ARHGEF18: variants seen among roughly 807,000 people sequenced by gnomAD.
ARHGEF18 encodes the protein Rho/Rac guanine nucleotide exchange factor 18, also known as rho guanine nucleotide exchange factor 18.
In ARHGEF18, 93 loss-of-function variants were observed where a neutral mutation model predicts 155.7. The ratio of observed to expected loss-of-function variants is 0.60; its 90% confidence interval spans 0.50 to 0.71. The LOEUF is 0.71. ARHGEF18 is among the 30% of genes least tolerant of loss of function. ARHGEF18 has a pLI of 0.00. For synonymous variants in ARHGEF18, 742 were observed against 753.1 expected, an observed-to-expected ratio of 0.99 and a Z score of 0.24; for missense variants, 1,593 against 1,816.1, an observed-to-expected ratio of 0.88 and a Z score of 2.23.
chr19:7,361,212 G>A (rs1308045235), intron 1 of ARHGEF18, among the ~76,000 whole-genome samples: 2 of 152,196 alleles, frequency 1.3e-5, no homozygotes, highest in Non-Finnish European at 2.9e-5. Context: ...AAGGCGGGGG[G>A]ATTGCCTGAG....
chr19:7,452,451 C>CT lies in ARHGEF18; in HGVS notation c.1856-1015dup, dbSNP rs1975544182. Among the ~76,000 whole-genome samples, 11 of 151,140 alleles carry CT rather than the reference C, an allele frequency of 7.3e-5. No homozygotes were observed. The South Asian group carries it at 2.3e-3, about 32-fold the overall frequency. On this transcript the variant is annotated intron_variant, in intron 16 of 28. Transcript: ENST00000668164. ...AGTCACAACAGGAGGTGGAGGGAAT[C>CT]TAATTTATTTATTTATTTATTTATT...
intron 10 of ARHGEF18, among the ~76,000 whole-genome samples, chr19:7,389,414 C>T (rs1173495002): frequency 2.0e-5 from 3 of 150,232 alleles, no homozygotes; most frequent in Non-Finnish European, 3.0e-5. Flanking sequence ...CCCACCTCAG[C>T]CTCCCAAAGT....
chr19:7,430,756 G>A (rs895730861), intron 10 of ARHGEF18, among the ~76,000 whole-genome samples: 1 of 152,174 alleles, frequency 6.6e-6, no homozygotes, highest in Non-Finnish European at 1.5e-5. Flanking sequence ...GGTAAGCTAA[G>A]TCTGTGCCAC....
chr19:7,411,274 C>CCCTTCCCCTTCT, intron 10 of ARHGEF18, among the ~76,000 whole-genome samples: 1 of 111,694 alleles, frequency 9.0e-6, no homozygotes, highest in Non-Finnish European at 2.0e-5. Context: ...CTTCCCCTTC[C>CCCTTCCCCTTCT]CCTTTCCCTT....
At position 7,402,502 on chromosome 19, in the gene ARHGEF18, G is replaced by C. The variant is rs144946443; in HGVS notation, c.967+19299G>C. On this transcript the variant is annotated intron_variant, in intron 10 of 28. Coordinates refer to ENST00000668164, the MANE Select transcript of ARHGEF18 (RefSeq NM_001367823.1). The stretch of plus-strand genomic sequence containing the variant: ...GAACATACTAAGAACCATTGAATTG[G>C]ATGCTGTCAAAGGGTGAGTTGTGTG... Among the ~76,000 whole-genome samples, 1,110 of 152,282 alleles carry C rather than the reference G, an allele frequency of 7.3e-3. 3 individuals are homozygous for C. Among genetic ancestry groups the C allele is most frequent in the Middle Eastern group, 0.02 (6 of 294 alleles).
chr19:7,409,687 C>T (rs900548083), intron 10 of ARHGEF18, among the ~76,000 whole-genome samples: 1 of 151,884 alleles, frequency 6.6e-6, no homozygotes, highest in Admixed American at 6.6e-5. Context: ...GAGCCAAGGC[C>T]CACCTCGGCC....
intron 1 of ARHGEF18, among the ~76,000 whole-genome samples, chr19:7,357,406 G>T (rs1261138092): frequency 3.3e-5 from 5 of 152,238 alleles, no homozygotes. Context: ...ATGCTAGCAG[G>T]TGGGGGAGTG....
At chr19:7,428,749 C>T (rs957229578) in intron 10 of ARHGEF18, among the ~76,000 whole-genome samples, 3 of 152,056 alleles carry the variant, frequency 2.0e-5, no homozygotes, top group Non-Finnish European at 4.4e-5. Flanking sequence ...TACCCTGGGC[C>T]CCTGCAGGTC....
chr19:7,458,876 A>G (rs1004214134), intron 19 of ARHGEF18, among the ~76,000 whole-genome samples, 186 bp downstream of exon 19: 2 of 152,188 alleles, frequency 1.3e-5, no homozygotes, highest in Non-Finnish European at 2.9e-5. Context: ...GGGCCCAGAA[A>G]GGCAGCTGTA....
At chr19:7,352,117 C>T (rs1409915698) in intron 1 of ARHGEF18, among the ~76,000 whole-genome samples, 1 of 152,050 alleles carries the variant, frequency 6.6e-6, no homozygotes, top group East Asian at 1.9e-4. Context: ...GATTAAATGC[C>T]AGGCCTTGTT....
chr19:7,451,124 C>G (rs759740004), intron 15 of ARHGEF18, 25 bp from the exon 16 acceptor site: 5 of 1,454,626 alleles, frequency 3.4e-6, no homozygotes, highest in Admixed American at 2.2e-5. Context: ...GATGTTAATA[C>G]AGGATCTTGC....
At chr19:7,387,515 G>C (rs1600258974) in intron 10 of ARHGEF18, among the ~76,000 whole-genome samples, 1 of 152,038 alleles carries the variant, frequency 6.6e-6, no homozygotes, top group South Asian at 2.1e-4. Context: ...AATGGGGTGG[G>C]TTTTTTACAT....
At chr19:7,441,886 G>A in intron 12 of ARHGEF18, 26 bp from the exon 13 acceptor site, 2 of 1,613,358 alleles carry the variant, frequency 1.2e-6, no homozygotes, top group Non-Finnish European at 8.5e-7. Flanking sequence ...TGGGCCCCCA[G>A]CAGCCACACC....
chr19:7,467,148 G>A (rs1333813866), intron 25 of ARHGEF18, 30 bp downstream of exon 25: 2 of 1,584,016 alleles, frequency 1.3e-6, no homozygotes, highest in East Asian at 2.3e-5. Context: ...CCGGCCACGC[G>A]TGCCCTTTCC....
At chr19:7,464,203 A>C (rs967696037) in intron 22 of ARHGEF18, among the ~76,000 whole-genome samples, 26 of 151,916 alleles carry the variant, frequency 1.7e-4, no homozygotes, top group African/African-American at 6.3e-4. Flanking sequence ...ATGCCCGGCT[A>C]CTTTTTGTAT....
intron 10 of ARHGEF18, among the ~76,000 whole-genome samples, chr19:7,431,762 C>T (rs1015666518): frequency 9.9e-5 from 15 of 152,176 alleles, no homozygotes; most frequent in Non-Finnish European, 1.6e-4. Flanking sequence ...TGCGGTGAGC[C>T]GAGATTGCGC....
At chr19:7,389,083 T>G (rs1050092768) in intron 10 of ARHGEF18, among the ~76,000 whole-genome samples, 6 of 151,478 alleles carry the variant, frequency 4.0e-5, no homozygotes, top group African/African-American at 1.5e-4. Context: ...CTTCTTGGGC[T>G]CAAGAGATCC....
chr19:7,445,431 G>C lies in ARHGEF18; in HGVS notation c.1611+977G>C, dbSNP rs370185742. On this transcript the variant is annotated intron_variant, in intron 14 of 28. Coordinates refer to ENST00000668164, the MANE Select transcript of ARHGEF18 (RefSeq NM_001367823.1). Reference sequence around the variant, plus strand: ...CCACTGCCCTCCAGCCTGGGCAGCAGAGTAAGACCCCAATTTGGGAGTGGG... The same window carrying C: ...CCACTGCCCTCCAGCCTGGGCAGCACAGTAAGACCCCAATTTGGGAGTGGG... 3.5e-4 allele frequency among the ~76,000 whole-genome samples: 53 copies of C among 152,226 alleles called. No individual in the cohort carries two copies. In the East Asian group the frequency reaches 5.0e-3, roughly 14 times the overall value.
chr19:7,465,440 A>G (rs371049005), intron 23 of ARHGEF18, among the ~76,000 whole-genome samples: 58 of 140,360 alleles, frequency 4.1e-4, no homozygotes, highest in African/African-American at 1.5e-3. Flanking sequence ...ACAAGGTCTC[A>G]CTCTGTCACC....
Sources: gnomAD v4.1 joint callset for allele counts (sites outside exome capture counted in the v4.1 genomes callset) on GRCh38, gnomAD v4.1.1 for gene constraint, MANE v1.5 for transcripts, NCBI Gene and HGNC (gene_info 2026-07-23, HGNC 2026-07-21) for gene names.